Variants in ACACA observed in about 807,000 individuals in gnomAD.
ACACA encodes acetyl-CoA carboxylase 1.
A neutral mutation model predicts 296.1 loss-of-function variants in ACACA; 103 were observed. The observed-to-expected ratio is 0.35, with a 90% confidence interval of 0.30 to 0.41. The LOEUF (loss-of-function observed/expected upper bound fraction) is 0.41, where lower values mean the gene tolerates loss of function less well. Ranked by LOEUF, ACACA falls within the 10% of genes least tolerant of loss-of-function variation. The probability of loss-of-function intolerance (pLI) is 1.00; values close to 1 mark genes in which losing one functional copy is unlikely to be tolerated. For missense variants in ACACA, 1,554 were observed against 2,989.7 expected, an observed-to-expected ratio of 0.52 and a Z score of 11.20; for synonymous variants, 953 against 1,038.6, an observed-to-expected ratio of 0.92 and a Z score of 1.58.
chr17:37,370,246 T>A (rs1200759802), intron 1 of ACACA, among the ~76,000 whole-genome samples: 3 of 151,802 alleles, frequency 2.0e-5, no homozygotes, highest in Non-Finnish European at 4.4e-5. Context: ...GCTCAGGTGA[T>A]CCACCTGCCT....
Position 37,234,823 on chromosome 17 carries a change from G to A in ACACA, c.3246+152C>T, listed in dbSNP as rs17848760. On this transcript the variant is annotated intron_variant, in intron 25 of 55. Coordinates refer to ENST00000616317, the MANE Select transcript of ACACA (RefSeq NM_198834.3). ...CTTCAGACCAAGGACAAAGGTAGAT[G>A]TGAGAAACTGTTAATCCACAGCTCA... is the stretch of plus-strand genomic sequence containing the variant. 3,054 of 877,688 alleles carry A rather than the reference G, an allele frequency of 3.5e-3. 62 individuals carry two copies. The African/African-American group carries it at 0.036, about 10-fold the overall frequency. 54.4% of individuals were successfully genotyped at this position (877,688 alleles called of 1,614,324 possible).
At chr17:37,230,453 C>T (rs2079806185) in intron 25 of ACACA, among the ~76,000 whole-genome samples, 1 of 152,002 alleles carries the variant, frequency 6.6e-6, no homozygotes, top group South Asian at 2.1e-4. Context: ...AATTATCAAA[C>T]AGTATGAATT....
rs188111744 is a variant in ACACA at position 37,293,403 on chromosome 17, C to G, written c.339-8433G>C. 2.0e-5 allele frequency among the ~76,000 whole-genome samples: 3 copies of G among 152,198 alleles called. No homozygotes were observed. The East Asian group carries it at 5.8e-4, about 29-fold the overall frequency. On this transcript the variant is annotated intron_variant, in intron 3 of 55. Transcript: ENST00000616317. ...AATGAAACCCGAAAAAGCAAGAAATCCTGAACCATCAGAGATAAAAGCATT... is the reference window on the plus strand; with the variant it reads ...AATGAAACCCGAAAAAGCAAGAAATGCTGAACCATCAGAGATAAAAGCATT...
chr17:37,335,521 G>A (rs996227900), intron 2 of ACACA, among the ~76,000 whole-genome samples: 2 of 152,132 alleles, frequency 1.3e-5, no homozygotes, highest in Non-Finnish European at 2.9e-5. Context: ...TGGCTCTTCA[G>A]AATCTGTGTG....
chr17:37,331,266 C>T (rs920055918), intron 2 of ACACA, among the ~76,000 whole-genome samples: 16 of 149,880 alleles, frequency 1.1e-4, no homozygotes, highest in East Asian at 2.0e-4. Flanking sequence ...TACAGGCACC[C>T]GCCACAACAC....
chr17:37,165,132 C>G (rs1200623927), intron 41 of ACACA, among the ~76,000 whole-genome samples: 6 of 151,854 alleles, frequency 4.0e-5, no homozygotes, highest in South Asian at 4.2e-4. Context: ...GCCCCGCCCC[C>G]CATCTTAAAA....
rs367655839 is a variant in ACACA, at chr17:37,125,805, G to T, written c.5945-11C>A. On this transcript the variant is annotated splice_polypyrimidine_tract_variant and intron_variant, in intron 47 of 55. Coordinates refer to ENST00000616317, the MANE Select transcript of ACACA (RefSeq NM_198834.3). Reference sequence around the variant, plus strand: ...ACTGACCTTTTTGGGCTACAGAAGGGAAAGAAAGAAAACAGAGAATAAGGA... The same window carrying T: ...ACTGACCTTTTTGGGCTACAGAAGGTAAAGAAAGAAAACAGAGAATAAGGA... 1.4e-5 allele frequency: 23 copies of T among 1,601,152 alleles called. No homozygotes were observed. The highest frequency in any genetic ancestry group is 2.0e-5 in the Non-Finnish European group (23 of 1,168,812).
intron 15 of ACACA, 138 bp downstream of exon 15, chr17:37,252,748 A>T: frequency 8.8e-7 from 1 of 1,139,788 alleles, no homozygotes; most frequent in Non-Finnish European, 1.3e-6. Flanking sequence ...TGCTAAAATT[A>T]CACTGACTCC....
At chr17:37,378,409 G>C (rs1380654970) in intron 1 of ACACA, among the ~76,000 whole-genome samples, 1 of 152,140 alleles carries the variant, frequency 6.6e-6, no homozygotes, top group Non-Finnish European at 1.5e-5. Flanking sequence ...GCTTGGCACT[G>C]TTCAGATTAA....
intron 45 of ACACA, among the ~76,000 whole-genome samples, chr17:37,145,872 T>C (rs1478875367): frequency 1.3e-5 from 2 of 152,174 alleles, no homozygotes; most frequent in African/African-American, 4.8e-5. Context: ...CATCTCAATT[T>C]GGGTAATATT....
intron 33 of ACACA, among the ~76,000 whole-genome samples, chr17:37,200,894 C>T (rs1295802799): frequency 1.3e-5 from 2 of 152,086 alleles, no homozygotes; most frequent in Non-Finnish European, 2.9e-5. Flanking sequence ...GAAGGACTTT[C>T]CATAAAACAT....
chr17:37,115,080 C>A (rs1004760015), intron 50 of ACACA, among the ~76,000 whole-genome samples: 5 of 152,148 alleles, frequency 3.3e-5, no homozygotes, highest in African/African-American at 9.7e-5. Context: ...AGAAAACACC[C>A]CCTACTCTAT....
chr17:37,113,528 A>G lies in ACACA; in HGVS notation c.6275-263T>C, dbSNP rs928455947. 3.3e-5 allele frequency among the ~76,000 whole-genome samples: 5 copies of G among 152,162 alleles called. No individual in the cohort carries two copies. The highest frequency in any genetic ancestry group is 1.2e-4 in the African/African-American group (5 of 41,432). ...GTCTTCCAGATTGCCTTTCCATTTT[A>G]TATCCTCTCTGAATTTCTGTACTCA... On this transcript the variant is annotated intron_variant, in intron 50 of 55. Transcript: ENST00000616317. The surrounding 1 kb of genome is among the most constrained non-coding windows in gnomAD (Gnocchi z 4.0).
chr17:37,252,146 T>G (rs2146107236), intron 15 of ACACA, 38 bp from the exon 16 acceptor site: 1 of 1,527,572 alleles, frequency 6.5e-7, no homozygotes, highest in African/African-American at 1.4e-5. Flanking sequence ...AAATGCATGG[T>G]CACTTGGCAC....
At chr17:37,284,520 G>A (rs1370970730) in intron 4 of ACACA, among the ~76,000 whole-genome samples, 1 of 152,146 alleles carries the variant, frequency 6.6e-6, no homozygotes, top group Non-Finnish European at 1.5e-5. Context: ...ATAGCTCACT[G>A]CAACCTTGAA....
chr17:37,247,633 C>T (rs1218567980), intron 18 of ACACA, among the ~76,000 whole-genome samples: 6 of 152,172 alleles, frequency 3.9e-5, no homozygotes, highest in African/African-American at 1.4e-4. Flanking sequence ...TCCCAAAGTG[C>T]TGGGATTACA....
At chr17:37,164,258 C>T (rs1247808797) in intron 41 of ACACA, among the ~76,000 whole-genome samples, 1 of 152,042 alleles carries the variant, frequency 6.6e-6, no homozygotes, top group Non-Finnish European at 1.5e-5. Context: ...ATGTAAATAG[C>T]GGCATCCCTG....
At chr17:37,401,566 T>C (rs571222888) in intron 1 of ACACA, among the ~76,000 whole-genome samples, 1 of 151,420 alleles carries the variant, frequency 6.6e-6, no homozygotes, top group East Asian at 1.9e-4. Context: ...TTTACCTTTT[T>C]TTTTTTTTTT....
Position 37,097,056 on chromosome 17 carries a change from A to G in ACACA, c.6831T>C (p.Thr2277=). The change falls in exon 54 of 56, where the codon ACT becomes ACC. Residue 2277 remains threonine, a synonymous_variant. Coordinates refer to ENST00000616317, the MANE Select transcript of ACACA (RefSeq NM_198834.3). The surrounding 1 kb of genome is among the most constrained non-coding windows in gnomAD (Gnocchi z 4.8). ...KKIHNANPEL[T]DGQIQAMLRR... ...TTAACATGGCTTGAATCTGGCCATC[A>G]GTCAGCTCAGGGTTGGCATTGTGGA... 6.2e-7 allele frequency: 1 copy of G among 1,614,180 alleles called. No homozygotes were observed. The highest frequency in any genetic ancestry group is 8.5e-7 in the Non-Finnish European group (1 of 1,180,034).
Sources: gnomAD v4.1 joint callset for allele counts (sites outside exome capture counted in the v4.1 genomes callset) on GRCh38, gnomAD v4.1.1 for gene constraint, Gnocchi (gnomAD v3.1) non-coding constraint, MANE v1.5 for transcripts, NCBI Gene and HGNC (gene_info 2026-07-23, HGNC 2026-07-21) for gene names.